Variants in GRAMD1C observed in about 807,000 individuals in gnomAD.
The protein encoded by GRAMD1C is protein Aster-C.
GRAMD1C carries 89 observed loss-of-function variants against 97.8 expected under a neutral mutation model. The observed-to-expected ratio is 0.91, with a 90% CI of 0.77 to 1.09. GRAMD1C has a LOEUF of 1.09. GRAMD1C is among the 50% of genes least tolerant of loss of function. The pLI is 0.00. For missense variants in GRAMD1C, 740 were observed against 766.4 expected (o/e 0.97, Z 0.41); for synonymous variants, 256 against 267.0 (o/e 0.96, Z 0.40).
At chr3:113,907,716 A>G (rs1936420746) in intron 8 of GRAMD1C, among the ~76,000 whole-genome samples, 1 of 152,248 alleles carries the variant, frequency 6.6e-6, no homozygotes, top group Admixed American at 6.5e-5. Flanking sequence ...ACAGTAGAGT[A>G]TACAAAGAAA....
At chr3:113,851,079 C>T (rs901443850) in intron 2 of GRAMD1C, among the ~76,000 whole-genome samples, 3 of 152,086 alleles carry the variant, frequency 2.0e-5, no homozygotes, top group East Asian at 1.9e-4. Context: ...TGGGATTACA[C>T]GCGTGAGCCA....
intron 1 of GRAMD1C, among the ~76,000 whole-genome samples, chr3:113,842,570 C>G (rs1412238764): frequency 6.6e-6 from 1 of 151,986 alleles, no homozygotes; most frequent in Non-Finnish European, 1.5e-5. Flanking sequence ...TCTTCTCTAC[C>G]CTCTCATGTT....
At position 113,838,888 on chromosome 3, in the gene GRAMD1C, C is replaced by T; in HGVS notation, c.-22C>T. On this transcript the variant is annotated 5_prime_UTR_variant, in exon 1 of 18. Coordinates refer to ENST00000358160, the MANE Select transcript of GRAMD1C (RefSeq NM_017577.5). ...CGGTGCGGTGCGCGCGGGGCGGTGCCGCGGCGGCGGAGGGAGCCGCGATGG... is the reference window on the plus strand; with the variant it reads ...CGGTGCGGTGCGCGCGGGGCGGTGCTGCGGCGGCGGAGGGAGCCGCGATGG... 8.1e-7 allele frequency: 1 copy of T among 1,231,194 alleles called. No homozygotes were observed. The highest frequency in any genetic ancestry group is 1.0e-6 in the Non-Finnish European group (1 of 985,910). 76.3% of individuals were successfully genotyped at this position (1,231,194 alleles called of 1,614,324 possible).
chr3:113,935,499 T>TAC lies in GRAMD1C; in HGVS notation c.1457-766_1457-765insCA, dbSNP rs1491420187. 2.7e-4 allele frequency among the ~76,000 whole-genome samples: 40 copies of TAC among 150,560 alleles called. 1 individual carries two copies. The highest frequency in any genetic ancestry group is 7.4e-4 in the African/African-American group (30 of 40,602). ...TATACATGCGAGAAATATATATATA[T>TAC]ATACACACACACACACACATATATG... On this transcript the variant is annotated intron_variant, in intron 13 of 17. Transcript: ENST00000358160.
chr3:113,851,324 A>T (rs1000492630), intron 2 of GRAMD1C, among the ~76,000 whole-genome samples: 1 of 152,316 alleles, frequency 6.6e-6, no homozygotes, highest in Admixed American at 6.5e-5. Flanking sequence ...ATAGAAAAAA[A>T]GATGGAGTAG....
At chr3:113,938,226 T>C in intron 15 of GRAMD1C, 83 bp downstream of exon 15, 1 of 636,992 alleles carries the variant, frequency 1.6e-6, no homozygotes, top group Non-Finnish European at 2.6e-6. Context: ...AATGTATTTG[T>C]ATATTATTGT....
Position 113,885,629 on chromosome 3 carries a change from GC to G in GRAMD1C, c.540+2801del. The G allele has an allele frequency of 2.0e-6, 3 of 1,498,934 alleles. 1 individual carries two copies. The highest frequency in any genetic ancestry group is 9.3e-7 in the Non-Finnish European group (1 of 1,075,740). 92.9% of individuals were successfully genotyped at this position (1,498,934 alleles called of 1,614,324 possible). The stretch of plus-strand genomic sequence containing the variant: ...CTGTCCGGTTTTTTGTACGTAAGAG[GC>G]CCCATGTGGATTTCTTCCTGGAAGT... On this transcript the variant is annotated intron_variant, in intron 6 of 17. Coordinates refer to ENST00000358160, the MANE Select transcript of GRAMD1C (RefSeq NM_017577.5).
intron 13 of GRAMD1C, among the ~76,000 whole-genome samples, chr3:113,935,763 A>G (rs144324734): frequency 3.7e-4 from 56 of 152,310 alleles, no homozygotes; most frequent in African/African-American, 1.3e-3. Flanking sequence ...TAAGTTTCTA[A>G]TAAAAATTCT....
At position 113,887,554 on chromosome 3, in the gene GRAMD1C, G is replaced by A. The variant is rs534480738; in HGVS notation, c.540+4722G>A. On this transcript the variant is annotated intron_variant, in intron 6 of 17. Transcript: ENST00000358160. ...TCTCTACTAAAAATACAAAAAATTA[G>A]CCGGGCATGGTGGTAGGGCACCTGT... Among the ~76,000 whole-genome samples the A allele has an allele frequency of 1.1e-4, 17 of 151,744 alleles. No homozygotes were observed. In the East Asian group the frequency reaches 3.2e-3, roughly 28 times the overall value.
chr3:113,872,705 T>TA (rs920416891), intron 3 of GRAMD1C, among the ~76,000 whole-genome samples: 9 of 148,966 alleles, frequency 6.0e-5, no homozygotes, highest in Middle Eastern at 3.2e-3. Flanking sequence ...AAGAAGCCAT[T>TA]AAAAAAAAAT....
At chr3:113,844,316 T>A (rs542217206) in intron 1 of GRAMD1C, among the ~76,000 whole-genome samples, 187 bp from the exon 2 acceptor site, 21 of 151,742 alleles carry the variant, frequency 1.4e-4, no homozygotes, top group South Asian at 1.0e-3. Flanking sequence ...AATAAGAATT[T>A]AAAAAAAATA....
At chr3:113,855,061 C>A (rs555048361) in intron 2 of GRAMD1C, among the ~76,000 whole-genome samples, 5 of 152,298 alleles carry the variant, frequency 3.3e-5, no homozygotes, top group African/African-American at 1.2e-4. Flanking sequence ...CCTGTAATCC[C>A]AGCAATTTGG....
intron 6 of GRAMD1C, among the ~76,000 whole-genome samples, chr3:113,889,946 C>G (rs765861233): frequency 3.3e-5 from 5 of 152,106 alleles, no homozygotes; most frequent in Non-Finnish European, 7.4e-5. Flanking sequence ...AAGAAAGTTT[C>G]TTTCTTTGAA....
rs576771657 is a variant in GRAMD1C, at chr3:113,888,077, A to G, written c.540+5245A>G. 1.1e-4 allele frequency among the ~76,000 whole-genome samples: 16 copies of G among 152,256 alleles called. No homozygotes were observed. In the South Asian group the frequency reaches 1.2e-3, roughly 12 times the overall value. On this transcript the variant is annotated intron_variant, in intron 6 of 17. Coordinates refer to ENST00000358160, the MANE Select transcript of GRAMD1C (RefSeq NM_017577.5). ...ACTGTTTACAGTAGAATTAACACCA[A>G]TCCTTCACCCAGTATTCTAAAAATA...
chr3:113,898,831 G>A (rs1936035928), intron 6 of GRAMD1C, among the ~76,000 whole-genome samples: 1 of 152,068 alleles, frequency 6.6e-6, no homozygotes, highest in African/African-American at 2.4e-5. Context: ...AATATTATCT[G>A]ATAATATCTG....
chr3:113,912,138 A>G (rs931974612), intron 9 of GRAMD1C, among the ~76,000 whole-genome samples: 1 of 152,090 alleles, frequency 6.6e-6, no homozygotes, highest in African/African-American at 2.4e-5. Context: ...CCATACCAAT[A>G]ATCTACTTCC....
chr3:113,920,156 G>T, intron 10 of GRAMD1C: 1 of 1,404,362 alleles, frequency 7.1e-7, no homozygotes, highest in South Asian at 1.2e-5. Context: ...CCAGTGATTT[G>T]AATCTCCAGA....
rs755510920 is a variant in GRAMD1C, at chr3:113,876,213, G to C, written c.412G>C (p.Ala138Pro). Residue 138 changes from alanine to proline, a missense_variant, in exon 5 of 18, where the codon GCT (alanine) becomes CCT (proline). Physicochemically the swap from Ala to Pro is conservative, Grantham distance 27. Transcript: ENST00000358160. ...AACCTTCATGACCAAGGAAAAAACT[G>C]CTCGACTCATCCCAAACGCTATCCA... ...NITFMTKEKTARLIPNAIQIV... is the reference protein window; with the variant it reads ...NITFMTKEKTPRLIPNAIQIV... 5.0e-6 allele frequency: 8 copies of C among 1,603,340 alleles called. No homozygotes were observed. In the Admixed American group the frequency reaches 1.0e-4, roughly 20 times the overall value.
At chr3:113,843,056 T>TC (rs1933429015) in intron 1 of GRAMD1C, among the ~76,000 whole-genome samples, 1 of 140,650 alleles carries the variant, frequency 7.1e-6, no homozygotes, top group Non-Finnish European at 1.5e-5. Context: ...GCTGTTTTTT[T>TC]TTTTTTTTTT....
Sources: gnomAD v4.1 joint callset for allele counts (sites outside exome capture counted in the v4.1 genomes callset) on GRCh38, gnomAD v4.1.1 for gene constraint, MANE v1.5 for transcripts, NCBI Gene and HGNC (gene_info 2026-07-23, HGNC 2026-07-21) for gene names.